Variants in P2RX6 observed in about 807,000 individuals in gnomAD.
The protein encoded by P2RX6 is purinergic receptor P2X 6, also known as P2X purinoceptor 6.
P2RX6 carries 62 observed loss-of-function variants against 54.2 expected under a neutral mutation model. That is an observed-to-expected ratio of 1.14 (90% CI 0.93 to 1.41). The LOEUF (loss-of-function observed/expected upper bound fraction) is 1.41, where lower values mean the gene tolerates loss of function less well. P2RX6 is among the 40% of genes most tolerant of loss of function. The probability of loss-of-function intolerance (pLI) is 0.00; values close to 1 mark genes in which losing one functional copy is unlikely to be tolerated. For missense variants in P2RX6, 541 were observed against 566.3 expected (o/e 0.96, Z 0.45); for synonymous variants, 211 against 231.9 (o/e 0.91, Z 0.82).
intron 2 of P2RX6, 34 bp from the exon 3 acceptor site, chr22:21,017,954 GC>G: frequency 6.9e-7 from 1 of 1,455,612 alleles, no homozygotes; most frequent in Non-Finnish European, 9.6e-7. Context: ...GTCAACACGA[GC>G]CCAGCCAGGC....
rs539179716 is a variant in P2RX6 at position 21,015,237 on chromosome 22, G to T, written c.63G>T (p.Gly21=). The change falls in exon 1 of 12, where the codon GGG becomes GGT. Residue 21 remains glycine (G), a synonymous_variant. Transcript: ENST00000413302. The stretch of plus-strand genomic sequence containing the variant: ...CCCCAGGGGCTACGACAGGCTGGGG[G>T]CTTCTGGATTATAAGACGGAGAAGT... ...MGSPGATTGW[G]LLDYKTEKYV... is the part of the protein sequence containing the mutation. 1 of 1,538,370 alleles carries T rather than the reference G, an allele frequency of 6.5e-7. No individual in the cohort carries two copies. The highest frequency in any genetic ancestry group is 8.7e-7 in the Non-Finnish European group (1 of 1,153,374).
intron 3 of P2RX6, among the ~76,000 whole-genome samples, chr22:21,021,952 T>G (rs1601765328): frequency 6.6e-6 from 1 of 152,140 alleles, no homozygotes; most frequent in East Asian, 1.9e-4. Context: ...TATGTCCCCA[T>G]GCCGGGCATC....
chr22:21,018,037 C>A lies in P2RX6; in HGVS notation c.364C>A (p.Gln122Lys). The change falls in exon 3 of 12, where the codon CAA becomes AAA. Residue 122 changes from glutamine to lysine, a missense_variant. Around this residue, in one of 2 missense-constraint regions of P2RX6, gnomAD observed 526 missense variants for 531.5 expected, o/e 0.99. Transcript: ENST00000413302. ...GACCAACTTCCTTGTGACGCCAGCC[C>A]AAGTTCAGGGCAGATGCCCAGAGGT... ...LVTNFLVTPA[Q>K]VQGRCPEHPS... is the part of the protein sequence containing the mutation. 1.2e-6 allele frequency: 2 copies of A among 1,612,978 alleles called. No individual in the cohort carries two copies. Among genetic ancestry groups the A allele is most frequent in the Non-Finnish European group, 1.7e-6 (2 of 1,179,200 alleles).
At chr22:21,023,092 G>A (rs1409025821) in intron 5 of P2RX6, 26 bp from the exon 6 acceptor site, 1 of 1,613,360 alleles carries the variant, frequency 6.2e-7, no homozygotes, top group African/African-American at 1.3e-5. Context: ...GCCTGGCAGA[G>A]GCTGTCACCT....
intron 3 of P2RX6, among the ~76,000 whole-genome samples, chr22:21,019,206 C>T (rs545761916): frequency 2.0e-5 from 3 of 152,296 alleles, no homozygotes; most frequent in East Asian, 1.9e-4. Flanking sequence ...GCTGGAGGGT[C>T]GTTGTGCAGA....
chr22:21,016,993 G>A (rs1426132295), intron 2 of P2RX6, among the ~76,000 whole-genome samples: 2 of 152,090 alleles, frequency 1.3e-5, no homozygotes, highest in Non-Finnish European at 2.9e-5. Context: ...ATCCACTAGT[G>A]CCTCAGCCAG....
chr22:21,016,799 T>C (rs938058883), intron 2 of P2RX6, among the ~76,000 whole-genome samples: 12 of 151,976 alleles, frequency 7.9e-5, no homozygotes, highest in Non-Finnish European at 1.6e-4. Context: ...TCCTCCTCCC[T>C]CCACCCAGCT....
chr22:21,021,086 C>T (rs970514785), intron 3 of P2RX6, among the ~76,000 whole-genome samples: 1 of 152,094 alleles, frequency 6.6e-6, no homozygotes, highest in African/African-American at 2.4e-5. Context: ...TTCAGGGGCC[C>T]CTGTAAGCCC....
upstream of P2RX6, chr22:21,013,932 CA>C (rs1453301217): frequency 6.6e-6 from 1 of 152,482 alleles, no homozygotes; most frequent in African/African-American, 2.4e-5. Context: ...GAGGAGAGGG[CA>C]GGGGGCTGGA....
At chr22:21,012,423 C>G, upstream of P2RX6, 1 of 385,316 alleles carries the variant, frequency 2.6e-6, no homozygotes, top group Non-Finnish European at 4.9e-6. Flanking sequence ...ACCAGCAACA[C>G]CAGCAGGACC....
chr22:21,027,137 A>G lies in P2RX6; in HGVS notation c.*520A>G. 1 of 163,246 alleles carries G rather than the reference A, an allele frequency of 6.1e-6. No individual in the cohort carries two copies. Among genetic ancestry groups the G allele is most frequent in the Non-Finnish European group, 1.3e-5 (1 of 74,628 alleles). 10.1% of individuals were successfully genotyped at this position (163,246 alleles called of 1,614,324 possible). A position where few individuals can be genotyped will look rare whatever the true frequency, so the allele number is the denominator to read the frequency against. On this transcript the variant is annotated 3_prime_UTR_variant, in exon 12 of 12. Coordinates refer to ENST00000413302, the MANE Select transcript of P2RX6 (RefSeq NM_005446.5). Reference sequence around the variant, plus strand: ...AGTGATGGGGGAGGGGGATTGTTTCAGCTTCTCTGGTGCTGTGATGCCCCA... The same window carrying G: ...AGTGATGGGGGAGGGGGATTGTTTCGGCTTCTCTGGTGCTGTGATGCCCCA...
In P2RX6 at chr22:21,023,350, T is replaced by C. The variant is rs1188779061; in HGVS notation, c.714T>C (p.Cys238=). 1 of 1,613,916 alleles carries C rather than the reference T, an allele frequency of 6.2e-7. No individual in the cohort carries two copies. The highest frequency in any genetic ancestry group is 2.2e-5 in the East Asian group (1 of 44,870). The change falls in exon 7 of 12, where the codon TGT becomes TGC. Residue 238 remains cysteine (C), a synonymous_variant. Transcript: ENST00000413302. Reference sequence around the variant, plus strand: ...ATGAACCACAATTCAGCCCCTACTGTCCCGTGTTCCGCATTGGGGACCTCG... The same window carrying C: ...ATGAACCACAATTCAGCCCCTACTGCCCCGTGTTCCGCATTGGGGACCTCG... ...CRYEPQFSPY[C]PVFRIGDLVA...
chr22:21,020,634 AGGCTGGAGTGCAGT>A, intron 3 of P2RX6, among the ~76,000 whole-genome samples: 1 of 136,252 alleles, frequency 7.3e-6, no homozygotes, highest in East Asian at 2.1e-4. Context: ...TCTGTCACCC[AGGCTGGAGTGCAGT>A]GGCGTGATCT....
At chr22:21,016,790 C>G (rs1234771540) in intron 2 of P2RX6, among the ~76,000 whole-genome samples, 1 of 152,064 alleles carries the variant, frequency 6.6e-6, no homozygotes, top group Non-Finnish European at 1.5e-5. Context: ...GCTGCGTTTT[C>G]CTCCTCCCTC....
upstream of P2RX6, among the ~76,000 whole-genome samples, chr22:21,014,788 A>G (rs1233635636): frequency 1.3e-5 from 2 of 152,120 alleles, no homozygotes; most frequent in Non-Finnish European, 2.9e-5. Flanking sequence ...GAAATCTGCA[A>G]GGGTCAGCTT....
intron 3 of P2RX6, among the ~76,000 whole-genome samples, chr22:21,021,568 A>G (rs1927412481): frequency 6.6e-6 from 1 of 152,108 alleles, no homozygotes; most frequent in Non-Finnish European, 1.5e-5. Flanking sequence ...TGTCTTTCAG[A>G]AAGTCCCACC....
At chr22:21,016,713 A>G (rs1396660007) in intron 2 of P2RX6, among the ~76,000 whole-genome samples, 2 of 151,828 alleles carry the variant, frequency 1.3e-5, no homozygotes, top group African/African-American at 4.8e-5. Context: ...GGGGCATGGA[A>G]CTTCCCTGTA....
intron 1 of P2RX6, 89 bp from the exon 2 acceptor site, chr22:21,015,853 T>TG (rs1393117193): frequency 7.3e-6 from 10 of 1,361,944 alleles, no homozygotes; most frequent in African/African-American, 1.5e-5. Context: ...CTGTAGGGTG[T>TG]GGGGGGAGAA....
Position 21,016,073 on chromosome 22 carries a change from A to G in P2RX6, c.296A>G (p.Asp99Gly), listed in dbSNP as rs1926331456. 5 of 1,563,568 alleles carry G rather than the reference A, an allele frequency of 3.2e-6. No homozygotes were observed. The highest frequency in any genetic ancestry group is 4.3e-6 in the Non-Finnish European group (5 of 1,154,778). ...ELGNRLWDVA[D>G]FVKPPQGENV... ...GGAAACCGGCTGTGGGATGTGGCCGACTTCGTGAAGCCACCTCAGGTGGGG... is the reference window on the plus strand; with the variant it reads ...GGAAACCGGCTGTGGGATGTGGCCGGCTTCGTGAAGCCACCTCAGGTGGGG... Residue 99 changes from aspartate (D) to glycine (G), a missense_variant, in exon 2 of 12, where the codon GAC becomes GGC. Physicochemically the swap from Asp to Gly is moderately conservative, Grantham distance 94 (BLOSUM62 -1). Around this residue, in one of 2 missense-constraint regions of P2RX6, gnomAD observed 526 missense variants for 531.5 expected, o/e 0.99. Coordinates refer to ENST00000413302, the MANE Select transcript of P2RX6 (RefSeq NM_005446.5).
Sources: gnomAD v4.1 joint callset for allele counts (sites outside exome capture counted in the v4.1 genomes callset) on GRCh38, gnomAD v4.1.1 for gene constraint, gnomAD v4.1.1 regional missense constraint, MANE v1.5 for transcripts, NCBI Gene and HGNC (gene_info 2026-07-23, HGNC 2026-07-21) for gene names.